The following EBAG9 variants were observed in gnomAD, a reference collection of about 807,000 sequenced individuals.
EBAG9 encodes receptor-binding cancer antigen expressed on SiSo cells.
In EBAG9, 16 loss-of-function variants were observed where a neutral mutation model predicts 30.9. The ratio of observed to expected loss-of-function variants is 0.52; its 90% CI spans 0.35 to 0.79. EBAG9 has a LOEUF of 0.79. EBAG9 is among the 30% of genes least tolerant of loss of function. The pLI is 0.01. For synonymous variants in EBAG9, 93 were observed against 82.8 expected, an observed-to-expected ratio of 1.12 and a Z score of -0.67; for missense variants, 197 against 242.1, an observed-to-expected ratio of 0.81 and a Z score of 1.24.
At chr8:109,543,991 C>T (rs976291832) in intron 1 of EBAG9, among the ~76,000 whole-genome samples, 2 of 147,876 alleles carry the variant, frequency 1.4e-5, no homozygotes, top group African/African-American at 5.0e-5. Flanking sequence ...GATTGTACTG[C>T]TACACTCCAG....
In EBAG9 at chr8:109,564,449, C is replaced by G; in HGVS notation, c.532C>G (p.Leu178Val). ...QAEEVLRQQKLADREKRAAEQ... is the reference protein window; with the variant it reads ...QAEEVLRQQKVADREKRAAEQ... ...TATGTTTCTTTTCAGACAGCAGAAA[C>G]TAGCAGACAGAGAAAAGAGAGCAGC... Residue 178 changes from leucine to valine, a missense_variant, in exon 7 of 7, where the codon CTA becomes GTA. Coordinates refer to ENST00000337573, the MANE Select transcript of EBAG9 (RefSeq NM_004215.5). The G allele has an allele frequency of 6.2e-7, 1 of 1,611,962 alleles. No homozygotes were observed. The highest frequency in any genetic ancestry group is 8.5e-7 in the Non-Finnish European group (1 of 1,178,728).
chr8:109,548,770 G>A (rs541828949), intron 1 of EBAG9, among the ~76,000 whole-genome samples: 22 of 151,490 alleles, frequency 1.5e-4, no homozygotes, highest in Non-Finnish European at 2.2e-4. Flanking sequence ...TGTTGTTAAC[G>A]TATAGAAATA....
At chr8:109,561,668 T>C (rs892634739) in intron 6 of EBAG9, among the ~76,000 whole-genome samples, 1 of 148,542 alleles carries the variant, frequency 6.7e-6, no homozygotes, top group Non-Finnish European at 1.5e-5. Flanking sequence ...TACAGCAATA[T>C]AAATTTTTTT....
chr8:109,560,899 A>G lies in EBAG9; in HGVS notation c.491A>G (p.Asp164Gly). 6.2e-7 allele frequency: 1 copy of G among 1,612,976 alleles called. No homozygotes were observed. The highest frequency in any genetic ancestry group is 8.5e-7 in the Non-Finnish European group (1 of 1,179,368). Residue 164 changes from aspartate to glycine, a missense_variant, in exon 6 of 7, where the codon GAT becomes GGT. Coordinates refer to ENST00000337573, the MANE Select transcript of EBAG9 (RefSeq NM_004215.5). ...ACCAATGCATGGGAAGAAGAAGAAG[A>G]TGCAGCCTGGCAAGCAGAAGAAGTT... is the stretch of plus-strand genomic sequence containing the variant. ...ENTNAWEEEEDAAWQAEEVLR... is the reference protein window; with the variant it reads ...ENTNAWEEEEGAAWQAEEVLR...
intron 3 of EBAG9, 140 bp downstream of exon 3, chr8:109,554,083 G>A (rs952718793): frequency 1.8e-6 from 1 of 567,420 alleles, no homozygotes; most frequent in Non-Finnish European, 2.9e-6. Flanking sequence ...TATCTGGTCT[G>A]AAAATTCTAT....
chr8:109,558,802 C>T (rs555219050), intron 5 of EBAG9, among the ~76,000 whole-genome samples: 2 of 152,266 alleles, frequency 1.3e-5, no homozygotes, highest in African/African-American at 4.8e-5. Context: ...TTATTCTTTT[C>T]TAGAATTCAT....
chr8:109,559,887 A>G (rs1821677360), intron 5 of EBAG9, among the ~76,000 whole-genome samples: 1 of 152,146 alleles, frequency 6.6e-6, no homozygotes, highest in Admixed American at 6.5e-5. Flanking sequence ...GGTACTTTTC[A>G]AGGCTGTCAT....
intron 1 of EBAG9, among the ~76,000 whole-genome samples, chr8:109,541,644 C>T (rs1302968954): frequency 1.3e-5 from 2 of 152,172 alleles, no homozygotes; most frequent in Non-Finnish European, 2.9e-5. Flanking sequence ...GACTGATGGA[C>T]GTCCTGCCTC....
In EBAG9 at chr8:109,543,117, A is replaced by G. The variant is rs148440296; in HGVS notation, c.-16+2656A>G. 1.9e-4 allele frequency among the ~76,000 whole-genome samples: 21 copies of G among 111,682 alleles called. No individual in the cohort carries two copies. The East Asian group carries it at 5.5e-3, about 29-fold the overall frequency. The allele number at this position is 111,682 out of a possible 152,430, so 73.3% of individuals were successfully genotyped here. ...GAAGTATTTAAATAACTCGAGTACA[A>G]TTTTTAATATTCTGGTTCTTTTTTT... On this transcript the variant is annotated intron_variant, in intron 1 of 6. Transcript: ENST00000337573.
chr8:109,553,600 A>G (rs867823779), intron 2 of EBAG9, among the ~76,000 whole-genome samples: 9 of 152,280 alleles, frequency 5.9e-5, no homozygotes, highest in South Asian at 2.1e-4. Flanking sequence ...TTTTGACTTT[A>G]TATTCCTCTT....
intron 1 of EBAG9, among the ~76,000 whole-genome samples, chr8:109,544,961 A>G (rs779071363): frequency 1.8e-4 from 28 of 152,216 alleles, no homozygotes; most frequent in Admixed American, 1.2e-3. Context: ...TATACAATAT[A>G]TGCAATACAT....
chr8:109,542,464 C>T (rs1821295086), intron 1 of EBAG9, among the ~76,000 whole-genome samples: 1 of 152,170 alleles, frequency 6.6e-6, no homozygotes, highest in Admixed American at 6.5e-5. Flanking sequence ...CTAAAACTGA[C>T]AGTCCCAAAT....
intron 1 of EBAG9, 29 bp from the exon 2 acceptor site, chr8:109,550,781 G>T (rs764833811): frequency 3.9e-6 from 5 of 1,278,872 alleles, no homozygotes; most frequent in East Asian, 4.8e-5. Context: ...TCAATTTAAT[G>T]CATTTTTTGT....
Position 109,540,279 on chromosome 8 carries a change from G to C in EBAG9, c.-198G>C, listed in dbSNP as rs1202006360. On this transcript the variant is annotated 5_prime_UTR_variant, in exon 1 of 7. Transcript: ENST00000337573. ...AAAGCCGCCTTCCTCAGGGAAATTT[G>C]CGTGACCTTACTGCCCTCCGTCTAC... 3 of 152,478 alleles carry C rather than the reference G, an allele frequency of 2.0e-5. No homozygotes were observed. The highest frequency in any genetic ancestry group is 2.9e-5 in the Non-Finnish European group (2 of 68,252). The allele number at this position is 152,478 out of a possible 1,614,324, so 9.4% of individuals were successfully genotyped here.
At chr8:109,539,747 C>G (rs1450548857), upstream of EBAG9, 1 of 152,420 alleles carries the variant, frequency 6.6e-6, no homozygotes, top group East Asian at 1.9e-4. Flanking sequence ...GCAGAGGCAA[C>G]GCAGGCTGCT....
chr8:109,544,486 C>T (rs1466793430), intron 1 of EBAG9, among the ~76,000 whole-genome samples: 1 of 152,100 alleles, frequency 6.6e-6, no homozygotes, highest in Non-Finnish European at 1.5e-5. Context: ...TGAGCAGAAC[C>T]GTTAACTTCA....
chr8:109,563,082 A>T (rs986002473), intron 6 of EBAG9, among the ~76,000 whole-genome samples: 1 of 152,086 alleles, frequency 6.6e-6, no homozygotes, highest in Non-Finnish European at 1.5e-5. Flanking sequence ...GAACATCAGC[A>T]GAGTGATGAA....
chr8:109,548,274 C>T (rs1821425752), intron 1 of EBAG9, among the ~76,000 whole-genome samples: 1 of 151,790 alleles, frequency 6.6e-6, no homozygotes, highest in Admixed American at 6.6e-5. Flanking sequence ...CTCTGAATTA[C>T]CTTTGCATCT....
chr8:109,554,953 G>T, intron 4 of EBAG9, 66 bp downstream of exon 4: 26 of 1,424,634 alleles, frequency 1.8e-5, no homozygotes, highest in East Asian at 7.0e-5. Context: ...AAAATTAGGT[G>T]ATACAATTCA....
Sources: allele counts gnomAD v4.1 joint callset (sites outside exome capture counted in the v4.1 genomes callset), GRCh38; gene constraint gnomAD v4.1.1; transcripts MANE v1.5; gene names NCBI Gene and HGNC (gene_info 2026-07-23, HGNC 2026-07-21).